TOX3: variants seen among roughly 807,000 people sequenced by gnomAD.
TOX3 encodes the protein TOX high mobility group box family member 3, also known as CAG trinucleotide repeat-containing gene F9 protein.
TOX3 carries 22 observed loss-of-function variants against 64.3 expected under a neutral mutation model. The ratio of observed to expected loss-of-function variants is 0.34; its 90% confidence interval spans 0.24 to 0.49. TOX3 has a LOEUF of 0.49. TOX3 is among the 20% of genes least tolerant of loss of function. TOX3 has a pLI of 0.99. For synonymous variants in TOX3, 291 were observed against 273.6 expected (o/e 1.06, Z -0.63); for missense variants, 661 against 714.4 (o/e 0.93, Z 0.85).
chr16:52,494,333 C>T (rs944191833), intron 1 of TOX3, among the ~76,000 whole-genome samples: 4 of 152,154 alleles, frequency 2.6e-5, no homozygotes, highest in African/African-American at 9.7e-5. Context: ...ATGTCCCGTT[C>T]CACCCCAACT....
intron 1 of TOX3, among the ~76,000 whole-genome samples, chr16:52,479,863 A>G (rs1961318605): frequency 2.0e-5 from 3 of 152,212 alleles, no homozygotes; most frequent in African/African-American, 2.4e-5. Context: ...GAATTCGTTC[A>G]TAATAAGCAG....
intron 1 of TOX3, among the ~76,000 whole-genome samples, chr16:52,492,564 A>ATATATATAT (rs1961721045): frequency 2.2e-5 from 2 of 90,694 alleles, no homozygotes; most frequent in South Asian, 4.0e-4. Context: ...GTTGTATATA[A>ATATATATAT]ATATATATAT....
At chr16:52,440,118 C>T (rs1480250729) in intron 6 of TOX3, 150 bp from the exon 7 acceptor site, 4 of 669,210 alleles carry the variant, frequency 6.0e-6, no homozygotes, top group Non-Finnish European at 9.5e-6. Context: ...GTGACTTTTT[C>T]ACTCCTCCCT....
intron 3 of TOX3, 29 bp downstream of exon 3, chr16:52,463,905 A>G: frequency 6.7e-7 from 1 of 1,483,178 alleles, no homozygotes; most frequent in Non-Finnish European, 9.0e-7. Flanking sequence ...ATGATAAAAA[A>G]TAATTTAAGT....
chr16:52,507,377 G>C lies in TOX3; in HGVS notation c.88-38803C>G, dbSNP rs190703889. On this transcript the variant is annotated intron_variant, in intron 1 of 6. Transcript: ENST00000219746. ...GTCCAAGACAGGACTGAGAAACACA[G>C]TGAGAGTGAGACCCCATCTCCACAC... is the stretch of plus-strand genomic sequence containing the variant. Among the ~76,000 whole-genome samples the C allele has an allele frequency of 1.6e-4, 25 of 152,302 alleles. No homozygotes were observed. The East Asian group carries it at 4.8e-3, about 29-fold the overall frequency.
At chr16:52,458,609 A>G (rs2151751888) in intron 3 of TOX3, among the ~76,000 whole-genome samples, 1 of 152,318 alleles carries the variant, frequency 6.6e-6, no homozygotes, top group Non-Finnish European at 1.5e-5. Flanking sequence ...GTTATAAACT[A>G]AACAATAATC....
chr16:52,469,778 TA>T (rs1960986403), intron 1 of TOX3, among the ~76,000 whole-genome samples: 1 of 152,160 alleles, frequency 6.6e-6, no homozygotes, highest in Non-Finnish European at 1.5e-5. Flanking sequence ...TCTTCCTCAA[TA>T]AACTAACACT....
At chr16:52,543,863 T>C (rs554121661) in intron 1 of TOX3, among the ~76,000 whole-genome samples, 1 of 152,320 alleles carries the variant, frequency 6.6e-6, no homozygotes, top group South Asian at 2.1e-4. Context: ...TCACAGAATG[T>C]AAAGATAATA....
chr16:52,546,760 G>A lies in TOX3; in HGVS notation c.-37C>T. ...GCCCGGGGCCGGGGGCCGGGACTGG[G>A]GTTCGCCGGGGCCGGGACCCGCCTC... On this transcript the variant is annotated 5_prime_UTR_variant, in exon 1 of 7. Transcript: ENST00000219746. 1.4e-6 allele frequency: 2 copies of A among 1,473,972 alleles called. No homozygotes were observed. The highest frequency in any genetic ancestry group is 2.6e-5 in the South Asian group (2 of 77,404). The allele number at this position is 1,473,972 out of a possible 1,614,324, so 91.3% of individuals were successfully genotyped here. A position where few individuals can be genotyped will look rare whatever the true frequency, so the allele number is the denominator to read the frequency against.
intron 1 of TOX3, among the ~76,000 whole-genome samples, chr16:52,536,485 G>T (rs1401905848): frequency 6.6e-6 from 1 of 150,766 alleles, no homozygotes; most frequent in Admixed American, 6.6e-5. Flanking sequence ...GAGGGTAGAG[G>T]GGAGGAGTGG....
At chr16:52,509,725 C>A (rs2151470682) in intron 1 of TOX3, among the ~76,000 whole-genome samples, 1 of 152,264 alleles carries the variant, frequency 6.6e-6, no homozygotes, top group Admixed American at 6.5e-5. Context: ...TGTGCACACA[C>A]AAACAGGCAT....
intron 1 of TOX3, among the ~76,000 whole-genome samples, chr16:52,536,413 C>G (rs1471152298): frequency 6.7e-6 from 1 of 150,082 alleles, no homozygotes; most frequent in East Asian, 2.0e-4. Context: ...GGGCTCTAGA[C>G]AGAGAGAATA....
chr16:52,445,972 C>G (rs1049983094), intron 5 of TOX3, 22 bp downstream of exon 5: 8 of 1,602,200 alleles, frequency 5.0e-6, no homozygotes, highest in South Asian at 3.3e-5. Flanking sequence ...ATTGATGGAG[C>G]CTTGATGGGT....
intron 1 of TOX3, among the ~76,000 whole-genome samples, chr16:52,505,476 G>A (rs577777688): frequency 7.2e-5 from 11 of 152,092 alleles, no homozygotes; most frequent in East Asian, 5.8e-4. Flanking sequence ...TTGACAATTC[G>A]GAAGCATAGG....
intron 4 of TOX3, among the ~76,000 whole-genome samples, chr16:52,447,359 A>G (rs554150214): frequency 6.6e-6 from 1 of 152,200 alleles, no homozygotes; most frequent in Non-Finnish European, 1.5e-5. Flanking sequence ...TTCTAATTCA[A>G]ATTTTCCTAG....
At chr16:52,537,820 A>T (rs1281717873) in intron 1 of TOX3, among the ~76,000 whole-genome samples, 1 of 150,532 alleles carries the variant, frequency 6.6e-6, no homozygotes, top group African/African-American at 2.5e-5. Context: ...GTGAGAATGT[A>T]ACTTGGAGCT....
Position 52,450,468 on chromosome 16 carries a change from C to T in TOX3, c.487G>A (p.Ala163Thr). The T allele has an allele frequency of 5.0e-6, 8 of 1,614,022 alleles. No individual in the cohort carries two copies. Among genetic ancestry groups the T allele is most frequent in the Non-Finnish European group, 6.8e-6 (8 of 1,179,878 alleles). Residue 163 changes from alanine to threonine, a missense_variant, in exon 4 of 7, where the codon GCT becomes ACT. By Grantham distance (58) the Ala-to-Thr change is moderately conservative (BLOSUM62 0). This residue lies in a region of TOX3 where 259 missense variants were observed against 261.2 expected (regional missense o/e 0.99). Coordinates refer to ENST00000219746, the MANE Select transcript of TOX3 (RefSeq NM_001080430.4). The stretch of plus-strand genomic sequence containing the variant: ...GGAGGCATGACCCCAGAACGCGCAG[C>T]ATCGGTCATGTGGACGATGGACCGC... ...IMRSIVHMTD[A>T]ARSGVMPPAQ...
chr16:52,447,014 T>C (rs1287367207), intron 4 of TOX3, among the ~76,000 whole-genome samples: 2 of 152,172 alleles, frequency 1.3e-5, no homozygotes, highest in Admixed American at 6.5e-5. Context: ...GAATACTCCA[T>C]AGAGACTCAC....
At chr16:52,449,784 A>T (rs1289424679) in intron 4 of TOX3, among the ~76,000 whole-genome samples, 1 of 152,268 alleles carries the variant, frequency 6.6e-6, no homozygotes, top group South Asian at 2.1e-4. Flanking sequence ...ATTTCAAATT[A>T]TACATTTCCC....
Sources: allele counts gnomAD v4.1 joint callset (sites outside exome capture counted in the v4.1 genomes callset), GRCh38; gene constraint gnomAD v4.1.1; regional missense constraint gnomAD v4.1.1; transcripts MANE v1.5; gene names NCBI Gene and HGNC (gene_info 2026-07-23, HGNC 2026-07-21).